The following MAP3K5 variants were observed in gnomAD, a reference collection of about 807,000 sequenced individuals.
MAP3K5 encodes the protein ASK-1.
In MAP3K5, 56 loss-of-function variants were observed where a neutral mutation model predicts 158.7. The ratio of observed to expected loss-of-function variants is 0.35; its 90% CI spans 0.28 to 0.44. The LOEUF (loss-of-function observed/expected upper bound fraction) is 0.44. MAP3K5 is among the 20% of genes least tolerant of loss of function. The pLI is 1.00. For synonymous variants in MAP3K5, 579 were observed against 601.7 expected, an observed-to-expected ratio of 0.96 and a Z score of 0.55; for missense variants, 1,294 against 1,674.8, an observed-to-expected ratio of 0.77 and a Z score of 3.97.
chr6:136,733,400 C>T (rs1175085693), intron 1 of MAP3K5, among the ~76,000 whole-genome samples: 1 of 151,950 alleles, frequency 6.6e-6, no homozygotes, highest in African/African-American at 2.4e-5. Context: ...TATCACTTCA[C>T]AAAAAAAGTG....
chr6:136,726,012 T>C (rs1055562379), intron 1 of MAP3K5, among the ~76,000 whole-genome samples: 2 of 152,260 alleles, frequency 1.3e-5, no homozygotes, highest in African/African-American at 4.8e-5. Context: ...ATTTCATTAA[T>C]CTATGTGTTT....
chr6:136,691,533 C>T lies in MAP3K5; in HGVS notation c.1253+2607G>A, dbSNP rs577958891. 3.8e-4 allele frequency among the ~76,000 whole-genome samples: 57 copies of T among 151,958 alleles called. 1 individual carries two copies. The highest frequency in any genetic ancestry group is 1.3e-3 in the African/African-American group (53 of 41,390). On this transcript the variant is annotated intron_variant, in intron 7 of 29. Transcript: ENST00000359015. The stretch of plus-strand genomic sequence containing the variant: ...GGTTGAGGCACGAGAATCGCTTGAA[C>T]CCCGGAGGCAGAGGTTGCAGTGAGG...
intron 23 of MAP3K5, among the ~76,000 whole-genome samples, chr6:136,584,753 G>A (rs1032210318): frequency 6.6e-6 from 1 of 152,134 alleles, no homozygotes; most frequent in African/African-American, 2.4e-5. Context: ...CAGCAACCAA[G>A]CCAGAGAAAA....
At chr6:136,689,429 T>C (rs532903419) in intron 7 of MAP3K5, among the ~76,000 whole-genome samples, 2 of 152,342 alleles carry the variant, frequency 1.3e-5, no homozygotes, top group East Asian at 1.9e-4. Flanking sequence ...AGGAAACTAC[T>C]GTCCCCAAGT....
In MAP3K5 at chr6:136,659,312, A is replaced by G. The variant is rs991643917; in HGVS notation, c.1433T>C (p.Val478Ala). 7 of 1,613,988 alleles carry G rather than the reference A, an allele frequency of 4.3e-6. No individual in the cohort carries two copies. Among genetic ancestry groups the G allele is most frequent in the African/African-American group, 4.0e-5 (3 of 74,888 alleles). Residue 478 changes from valine (V) to alanine (A), a missense_variant, in exon 9 of 30, where the codon GTT becomes GCT. Around this residue, in one of 5 missense-constraint regions of MAP3K5, gnomAD observed 690 missense variants for 870.5 expected, o/e 0.79. Coordinates refer to ENST00000359015, the MANE Select transcript of MAP3K5 (RefSeq NM_005923.4). ...GACGCTGGCCCCCAGAAAAAATCCA[A>G]CTTCCCAGTAGCTCTGGAGTTTTTC... ...NLEKLQSYWE[V>A]GFFLGASVLA...
At chr6:136,792,551 GCGCC>G (rs1222842702), upstream of MAP3K5, 1 of 169,340 alleles carries the variant, frequency 5.9e-6, no homozygotes, top group East Asian at 2.0e-4. The surrounding 1 kb of genome is among the most constrained non-coding windows in gnomAD (Gnocchi z 5.7). Flanking sequence ...CCGCCGCGCC[GCGCC>G]GCGCCGCGCC....
intron 23 of MAP3K5, among the ~76,000 whole-genome samples, chr6:136,589,037 G>A (rs750906370): frequency 1.3e-5 from 2 of 152,168 alleles, no homozygotes; most frequent in Non-Finnish European, 2.9e-5. Context: ...ATCTAAAGAG[G>A]TGGACATTAG....
At chr6:136,669,218 T>C in intron 8 of MAP3K5, 65 bp downstream of exon 8, 1 of 1,052,950 alleles carries the variant, frequency 9.5e-7, no homozygotes, top group Admixed American at 1.8e-5. Flanking sequence ...TTCATGATTC[T>C]TTTTCTTTGC....
intron 2 of MAP3K5, among the ~76,000 whole-genome samples, chr6:136,709,077 A>C (rs1032726064): frequency 1.3e-5 from 2 of 152,122 alleles, no homozygotes; most frequent in Non-Finnish European, 1.5e-5. Flanking sequence ...CCTCACACAC[A>C]TCTCCTCGAA....
At chr6:136,665,976 A>G (rs1779214514) in intron 8 of MAP3K5, among the ~76,000 whole-genome samples, 1 of 152,208 alleles carries the variant, frequency 6.6e-6, no homozygotes, top group South Asian at 2.1e-4. Flanking sequence ...TTGGAGACTC[A>G]AACCTCTAAG....
intron 7 of MAP3K5, among the ~76,000 whole-genome samples, chr6:136,670,988 A>C (rs1779458949): frequency 6.6e-6 from 1 of 152,226 alleles, no homozygotes; most frequent in Non-Finnish European, 1.5e-5. Context: ...GTCACAACTT[A>C]CAGGTCTTAG....
chr6:136,769,318 G>A (rs916668125), intron 1 of MAP3K5, among the ~76,000 whole-genome samples: 8 of 152,142 alleles, frequency 5.3e-5, no homozygotes, highest in African/African-American at 1.7e-4. Flanking sequence ...TACGGAGACA[G>A]CAGATTAGTG....
Position 136,557,924 on chromosome 6 carries a change from G to A in MAP3K5, c.4065-106C>T, listed in dbSNP as rs1163548336. On this transcript the variant is annotated intron_variant, in intron 29 of 29. Coordinates refer to ENST00000359015, the MANE Select transcript of MAP3K5 (RefSeq NM_005923.4). ...CTTTCATCTGCTCTGGTCAGAAGAAGATCCCAAAGTCTGATCAGTTATTAT... is the reference window on the plus strand; with the variant it reads ...CTTTCATCTGCTCTGGTCAGAAGAAAATCCCAAAGTCTGATCAGTTATTAT... 7.7e-6 allele frequency: 6 copies of A among 778,218 alleles called. No homozygotes were observed. In the Admixed American group the frequency reaches 1.1e-4, roughly 14 times the overall value. 48.2% of individuals were successfully genotyped at this position (778,218 alleles called of 1,614,324 possible).
Position 136,557,793 on chromosome 6 carries a change from T to C in MAP3K5, c.4090A>G (p.Lys1364Glu). ...LRGGMLCTLW[K>E]AIIDFRNKQT ...TTGTTTCGAAAGTCAATGATAGCCT[T>C]CCACAGTGTGCACAGCATCCCTCCC... Residue 1364 changes from lysine to glutamate, a missense_variant, in exon 30 of 30, where the codon AAG becomes GAG. Transcript: ENST00000359015. 1 of 1,612,626 alleles carries C rather than the reference T, an allele frequency of 6.2e-7. No homozygotes were observed. Among genetic ancestry groups the C allele is most frequent in the Non-Finnish European group, 8.5e-7 (1 of 1,178,670 alleles).
chr6:136,774,493 T>C (rs145699536), intron 1 of MAP3K5, among the ~76,000 whole-genome samples: 1 of 152,120 alleles, frequency 6.6e-6, no homozygotes, highest in African/African-American at 2.4e-5. Context: ...ATTAGCACAA[T>C]ATATATAATA....
chr6:136,791,083 T>G (rs1234625714), intron 1 of MAP3K5, among the ~76,000 whole-genome samples: 4 of 152,190 alleles, frequency 2.6e-5, no homozygotes, highest in African/African-American at 9.6e-5. Context: ...CCAAAATCCT[T>G]ACAAAGATAA....
At chr6:136,666,681 C>T (rs914434384) in intron 8 of MAP3K5, among the ~76,000 whole-genome samples, 1 of 151,934 alleles carries the variant, frequency 6.6e-6, no homozygotes, top group African/African-American at 2.4e-5. Flanking sequence ...ATCCTCTTAC[C>T]ATATAAAAAT....
chr6:136,602,348 T>C (rs1273733886), intron 19 of MAP3K5, among the ~76,000 whole-genome samples: 1 of 152,142 alleles, frequency 6.6e-6, no homozygotes, highest in Non-Finnish European at 1.5e-5. Flanking sequence ...TCACCCAGGC[T>C]GGAGTGCAGA....
At chr6:136,644,186 G>A (rs1396925847) in intron 11 of MAP3K5, among the ~76,000 whole-genome samples, 1 of 152,174 alleles carries the variant, frequency 6.6e-6, no homozygotes, top group Non-Finnish European at 1.5e-5. Context: ...AGGAAAGGAG[G>A]GGAGCATTTC....
Sources: allele counts gnomAD v4.1 joint callset (sites outside exome capture counted in the v4.1 genomes callset), GRCh38; gene constraint gnomAD v4.1.1; regional missense constraint gnomAD v4.1.1; non-coding constraint Gnocchi (gnomAD v3.1); transcripts MANE v1.5; gene names NCBI Gene and HGNC (gene_info 2026-07-23, HGNC 2026-07-21).